Variants in FBXL13 observed in about 807,000 individuals in gnomAD.
FBXL13 encodes F-box and leucine-rich repeat protein 13.
FBXL13 carries 67 observed loss-of-function variants against 83.6 expected under a neutral mutation model. The observed-to-expected ratio is 0.80, with a 90% CI of 0.66 to 0.98. The LOEUF is 0.98. Ranked by LOEUF, FBXL13 falls within the 50% of genes least tolerant of loss-of-function variation. The probability of loss-of-function intolerance (pLI) is 0.00; values close to 1 mark genes in which losing one functional copy is unlikely to be tolerated. For synonymous variants in FBXL13, 272 were observed against 299.5 expected, an observed-to-expected ratio of 0.91 and a Z score of 0.95; for missense variants, 822 against 866.5, an observed-to-expected ratio of 0.95 and a Z score of 0.64.
chr7:102,813,276 C>T, exon 20 of FBXL13: 1 of 1,442,806 alleles, frequency 6.9e-7, no homozygotes, highest in East Asian at 2.3e-5. Context: ...AGTAAACATA[C>T]TTGCAACAAA....
At chr7:102,944,805 T>C (rs1352166313) in intron 8 of FBXL13, 12 of 514,812 alleles carry the variant, frequency 2.3e-5, no homozygotes, top group Non-Finnish European at 3.6e-5. Flanking sequence ...TGTCCATTTG[T>C]GGAACAGCAT....
At position 102,878,292 on chromosome 7, in the gene FBXL13, A is replaced by C. The variant is rs772652994; in HGVS notation, c.1508+39T>G. 2.6e-6 allele frequency: 4 copies of C among 1,535,124 alleles called. No individual in the cohort carries two copies. In the East Asian group the frequency reaches 9.5e-5, roughly 37 times the overall value. On this transcript the variant is annotated intron_variant, in intron 15 of 19. Transcript: ENST00000313221. The stretch of plus-strand genomic sequence containing the variant: ...TCATGTCTCCTATTATCAAATATAC[A>C]ATACTAATGATATGATGTAAAAGAC...
intron 10 of FBXL13, among the ~76,000 whole-genome samples, chr7:102,923,200 AC>A (rs1817425265): frequency 6.6e-6 from 1 of 152,210 alleles, no homozygotes; most frequent in African/African-American, 2.4e-5. Flanking sequence ...GTGCTATTTC[AC>A]AATGTCGTGG....
intron 14 of FBXL13, 55 bp from the exon 16 acceptor site, chr7:102,878,505 T>TC: frequency 5.5e-6 from 7 of 1,283,538 alleles, no homozygotes; most frequent in Non-Finnish European, 6.4e-6. Context: ...ACATATAGAA[T>TC]AGTATTAAAG....
At chr7:102,861,379 T>C (rs1806811742) in intron 16 of FBXL13, among the ~76,000 whole-genome samples, 3 of 152,154 alleles carry the variant, frequency 2.0e-5, no homozygotes, top group Admixed American at 6.5e-5. Context: ...ATTCTGGATT[T>C]TTCTAATTGT....
At chr7:102,854,017 C>G (rs1251890015) in intron 17 of FBXL13, among the ~76,000 whole-genome samples, 3 of 152,200 alleles carry the variant, frequency 2.0e-5, no homozygotes, top group Admixed American at 6.5e-5. Flanking sequence ...CATCCCATTA[C>G]TGGGTATATA....
At chr7:102,886,990 T>C (rs1311130406) in intron 11 of FBXL13, among the ~76,000 whole-genome samples, 1 of 152,242 alleles carries the variant, frequency 6.6e-6, no homozygotes, top group Non-Finnish European at 1.5e-5. Context: ...GGTGGGATTA[T>C]ACTTGGATAA....
At chr7:102,960,964 A>C (rs1825093764) in intron 8 of FBXL13, among the ~76,000 whole-genome samples, 2 of 151,882 alleles carry the variant, frequency 1.3e-5, no homozygotes, top group African/African-American at 4.8e-5. Flanking sequence ...TATTCAACGT[A>C]GTGTTGGAAG....
chr7:102,912,327 C>T (rs573615755), intron 11 of FBXL13, among the ~76,000 whole-genome samples: 1 of 152,262 alleles, frequency 6.6e-6, no homozygotes, highest in South Asian at 2.1e-4. Flanking sequence ...CTCACCTATG[C>T]TATTATTCTC....
At chr7:102,813,458 C>T (rs1797578109) in exon 20 of FBXL13, 1 of 1,614,092 alleles carries the variant, frequency 6.2e-7, no homozygotes, top group Non-Finnish European at 8.5e-7. Flanking sequence ...CTATCATAGC[C>T]AAACCAACGT....
intron 11 of FBXL13, among the ~76,000 whole-genome samples, chr7:102,886,923 GA>G (rs1186900980): frequency 1.3e-5 from 2 of 152,160 alleles, no homozygotes; most frequent in African/African-American, 2.4e-5. Context: ...ATTATATTTG[GA>G]CAATTTTTCT....
At chr7:102,818,415 G>A (rs949153220) in intron 19 of FBXL13, among the ~76,000 whole-genome samples, 5 of 152,124 alleles carry the variant, frequency 3.3e-5, no homozygotes, top group African/African-American at 9.7e-5. Context: ...GTATTTGTGA[G>A]GCAATATCTG....
chr7:102,943,171 G>A (rs960332053), intron 8 of FBXL13, among the ~76,000 whole-genome samples: 4 of 152,086 alleles, frequency 2.6e-5, no homozygotes, highest in African/African-American at 7.2e-5. Flanking sequence ...CCCCAACACT[G>A]GGAAAAGGTT....
chr7:102,958,916 C>T (rs573513660), intron 8 of FBXL13, among the ~76,000 whole-genome samples: 23 of 151,766 alleles, frequency 1.5e-4, no homozygotes, highest in South Asian at 4.2e-4. Context: ...AATTAAAAGA[C>T]GTATTAATAT....
chr7:102,892,910 T>G (rs1433510351), intron 11 of FBXL13, among the ~76,000 whole-genome samples: 1 of 152,126 alleles, frequency 6.6e-6, no homozygotes, highest in African/African-American at 2.4e-5. Flanking sequence ...ATGGTGAGAG[T>G]ATTTACACCA....
chr7:102,863,666 T>A lies in FBXL13; in HGVS notation c.1636-8806A>T, dbSNP rs536185216. ...ACAAAGATTCCAAAAGTCAGATGGA[T>A]GTTTGTCTTCTCTGTCACCCAGAAT... On this transcript the variant is annotated intron_variant, in intron 16 of 19. Transcript: ENST00000313221. Among the ~76,000 whole-genome samples, 14 of 152,280 alleles carry A rather than the reference T, an allele frequency of 9.2e-5. No homozygotes were observed. In the South Asian group the frequency reaches 1.0e-3, roughly 11 times the overall value.
intron 8 of FBXL13, chr7:102,934,341 T>G (rs1819848946): frequency 6.2e-7 from 1 of 1,614,094 alleles, no homozygotes; most frequent in South Asian, 1.1e-5. Flanking sequence ...CAGATCAAAG[T>G]CTTGACGGAG....
chr7:102,859,624 A>G (rs961803383), intron 16 of FBXL13, among the ~76,000 whole-genome samples: 1 of 151,928 alleles, frequency 6.6e-6, no homozygotes, highest in African/African-American at 2.4e-5. Flanking sequence ...AGACAGGCCA[A>G]AAATGAGGAG....
intron 17 of FBXL13, chr7:102,834,775 T>C (rs2129448081): frequency 6.6e-6 from 1 of 152,242 alleles, no homozygotes; most frequent in Non-Finnish European, 1.5e-5. Context: ...CGATGTATTG[T>C]ATACTTGAAA....
Sources: gnomAD v4.1 joint callset for allele counts (sites outside exome capture counted in the v4.1 genomes callset) on GRCh38, gnomAD v4.1.1 for gene constraint, MANE v1.5 for transcripts, NCBI Gene and HGNC (gene_info 2026-07-23, HGNC 2026-07-21) for gene names.